VPS13C: variants seen among roughly 807,000 people sequenced by gnomAD.
VPS13C encodes vacuolar protein sorting 13 homolog C, also known as intermembrane lipid transfer protein VPS13C.
A neutral mutation model predicts 456.8 loss-of-function variants in VPS13C; 358 were observed. That is an observed-to-expected ratio of 0.78 (90% CI 0.72 to 0.86). The LOEUF (loss-of-function observed/expected upper bound fraction) is 0.86, where lower values mean the gene tolerates loss of function less well. Ranked by LOEUF, VPS13C falls within the 40% of genes least tolerant of loss-of-function variation. The pLI is 0.00. For synonymous variants in VPS13C, 1,578 were observed against 1,486.7 expected, an observed-to-expected ratio of 1.06 and a Z score of -1.41; for missense variants, 4,818 against 4,385.4, an observed-to-expected ratio of 1.10 and a Z score of -2.79.
intron 80 of VPS13C, 44 bp downstream of exon 80, chr15:61,869,456 T>G: frequency 1.3e-6 from 2 of 1,598,844 alleles, no homozygotes; most frequent in Non-Finnish European, 1.7e-6. Context: ...TTGTAATAAT[T>G]AGCACACAGA....
Position 61,872,010 on chromosome 15 carries a change from T to C in VPS13C, c.10603A>G (p.Ile3535Val). Residue 3535 changes from isoleucine (I) to valine (V), a missense_variant, in exon 79 of 85, where the codon ATA becomes GTA. Ile to Val is a conservative substitution (Grantham distance 29, BLOSUM62 3). Around this residue, in one of 3 missense-constraint regions of VPS13C, gnomAD observed 4,552 missense variants for 4,130.6 expected, o/e 1.10. Transcript: ENST00000644861. The stretch of plus-strand genomic sequence containing the variant: ...ATACCTTCCACAGGTTTTGTTATTA[T>C]TCCAGTCACTCCACCAACAACTCCC... ...LRGVVGGVTG[I>V]ITKPVEGAKK... is the part of the protein sequence containing the mutation. The C allele has an allele frequency of 6.2e-7, 1 of 1,612,696 alleles. No homozygotes were observed. Among genetic ancestry groups the C allele is most frequent in the East Asian group, 2.2e-5 (1 of 44,748 alleles).
intron 16 of VPS13C, among the ~76,000 whole-genome samples, chr15:61,994,101 A>G (rs2046304749): frequency 6.6e-6 from 1 of 152,094 alleles, no homozygotes; most frequent in African/African-American, 2.4e-5. Context: ...TAAGTTGCCC[A>G]TGGTAAATAA....
intron 18 of VPS13C, among the ~76,000 whole-genome samples, chr15:61,989,197 C>T (rs909322401): frequency 2.7e-4 from 41 of 151,468 alleles, no homozygotes; most frequent in African/African-American, 9.2e-4. Flanking sequence ...TTGAGACCAG[C>T]CTGGGCAATG....
At chr15:61,985,168 T>G (rs1348367608) in intron 18 of VPS13C, among the ~76,000 whole-genome samples, 169 bp from the exon 19 acceptor site, 1 of 152,202 alleles carries the variant, frequency 6.6e-6, no homozygotes, top group East Asian at 1.9e-4. Flanking sequence ...ATTTACAAAT[T>G]TATTCACTAT....
At chr15:61,920,899 C>T (rs1296192158) in intron 55 of VPS13C, among the ~76,000 whole-genome samples, 1 of 152,066 alleles carries the variant, frequency 6.6e-6, no homozygotes, top group Admixed American at 6.5e-5. Flanking sequence ...CAATATTTGT[C>T]TCTTATGCAT....
At chr15:61,872,835 C>A (rs1389729986) in intron 78 of VPS13C, among the ~76,000 whole-genome samples, 2 of 151,884 alleles carry the variant, frequency 1.3e-5, no homozygotes, top group Admixed American at 6.6e-5. Flanking sequence ...CATATATTAC[C>A]TATATAATTT....
In VPS13C at chr15:61,910,311, A is replaced by G; in HGVS notation, c.8716-6T>C. The stretch of plus-strand genomic sequence containing the variant: ...TCTGGCCAAAATGGAAGGCACTAAA[A>G]ATATAGAAGTTATTATCAGTCTTAA... On this transcript the variant is annotated splice_polypyrimidine_tract_variant and splice_region_variant and intron_variant, in intron 63 of 84. Coordinates refer to ENST00000644861, the MANE Select transcript of VPS13C (RefSeq NM_020821.3). The G allele has an allele frequency of 6.6e-7, 1 of 1,509,858 alleles. No homozygotes were observed. 93.5% of individuals were successfully genotyped at this position (1,509,858 alleles called of 1,614,324 possible). A position where few individuals can be genotyped will look rare whatever the true frequency, so the allele number is the denominator to read the frequency against.
intron 39 of VPS13C, among the ~76,000 whole-genome samples, chr15:61,951,275 ACTCTCATC>A (rs2044782978): frequency 6.6e-6 from 1 of 152,104 alleles, no homozygotes; most frequent in South Asian, 2.1e-4. Flanking sequence ...CTACTGTATT[ACTCTCATC>A]TAAACAAATC....
At chr15:61,872,820 G>C (rs1349094186) in intron 78 of VPS13C, among the ~76,000 whole-genome samples, 1 of 151,974 alleles carries the variant, frequency 6.6e-6, no homozygotes, top group Non-Finnish European at 1.5e-5. Context: ...TAATTAAGCA[G>C]TATTCATATA....
chr15:61,978,620 G>A lies in VPS13C; in HGVS notation c.2290+6C>T. ...CCAAGATCCTAAAAGCTGAATAACG[G>A]TTTACCTGCTCTTGCAAAAAGTAGT... is the stretch of plus-strand genomic sequence containing the variant. On this transcript the variant is annotated splice_donor_region_variant and intron_variant, in intron 23 of 84. Coordinates refer to ENST00000644861, the MANE Select transcript of VPS13C (RefSeq NM_020821.3). 1 of 1,610,412 alleles carries A rather than the reference G, an allele frequency of 6.2e-7. No individual in the cohort carries two copies. Among genetic ancestry groups the A allele is most frequent in the East Asian group, 2.2e-5 (1 of 44,648 alleles).
At chr15:61,854,788 G>A in intron 84 of VPS13C, 83 bp downstream of exon 84, 1 of 1,255,258 alleles carries the variant, frequency 8.0e-7, no homozygotes, top group Non-Finnish European at 1.1e-6. Context: ...AGCTTTGGGA[G>A]AAATAATGGT....
chr15:62,049,662 G>A (rs953249067), intron 1 of VPS13C, among the ~76,000 whole-genome samples: 2 of 152,172 alleles, frequency 1.3e-5, no homozygotes, highest in African/African-American at 4.8e-5. Context: ...GCTTGATGGG[G>A]ATGGCATTGA....
intron 80 of VPS13C, among the ~76,000 whole-genome samples, chr15:61,869,056 A>G (rs1894802091): frequency 6.6e-6 from 1 of 151,814 alleles, no homozygotes; most frequent in Non-Finnish European, 1.5e-5. Context: ...TAGGTAATAA[A>G]CATTTGTTGA....
At chr15:61,926,652 G>T (rs1295423270) in intron 52 of VPS13C, among the ~76,000 whole-genome samples, 1 of 152,138 alleles carries the variant, frequency 6.6e-6, no homozygotes, top group Non-Finnish European at 1.5e-5. Context: ...AAAATCATAT[G>T]TTTCGATAAT....
At chr15:62,038,030 A>G (rs570565086) in intron 3 of VPS13C, among the ~76,000 whole-genome samples, 130 of 152,314 alleles carry the variant, frequency 8.5e-4, no homozygotes, top group African/African-American at 2.9e-3. Flanking sequence ...AATATTGAAT[A>G]AAGAAAAAAG....
chr15:61,980,553 A>G (rs1356108333), intron 22 of VPS13C, among the ~76,000 whole-genome samples: 2 of 152,164 alleles, frequency 1.3e-5, no homozygotes, highest in Non-Finnish European at 2.9e-5. Flanking sequence ...GGGCAGTTGT[A>G]TAAGATTTCC....
chr15:62,027,360 C>G (rs2047673849), intron 6 of VPS13C, among the ~76,000 whole-genome samples: 1 of 151,996 alleles, frequency 6.6e-6, no homozygotes, highest in Non-Finnish European at 1.5e-5. Flanking sequence ...ACCTACAAAA[C>G]CAGACAGTGA....
chr15:61,926,469 T>A (rs923593165), intron 52 of VPS13C, among the ~76,000 whole-genome samples: 3 of 152,196 alleles, frequency 2.0e-5, no homozygotes, highest in African/African-American at 7.2e-5. Flanking sequence ...GACGATCCTG[T>A]CAAAGAATAT....
intron 61 of VPS13C, among the ~76,000 whole-genome samples, chr15:61,914,904 A>C (rs1050471594): frequency 5.5e-5 from 8 of 146,648 alleles, no homozygotes; most frequent in Non-Finnish European, 1.1e-4. Context: ...AAAAAAAAAA[A>C]AAAAACCTTT....
Sources: allele counts gnomAD v4.1 joint callset (sites outside exome capture counted in the v4.1 genomes callset), GRCh38; gene constraint gnomAD v4.1.1; regional missense constraint gnomAD v4.1.1; transcripts MANE v1.5; gene names NCBI Gene and HGNC (gene_info 2026-07-23, HGNC 2026-07-21).